PRKN: variants seen among roughly 807,000 people sequenced by gnomAD.
The protein encoded by PRKN is parkin RBR E3 ubiquitin protein ligase, also known as E3 ubiquitin-protein ligase parkin.
PRKN carries 56 observed loss-of-function variants against 59.5 expected under a neutral mutation model. The ratio of observed to expected loss-of-function variants is 0.94; its 90% CI spans 0.76 to 1.18. The LOEUF (loss-of-function observed/expected upper bound fraction) is 1.18. Among genes scored for constraint, PRKN ranks in the 50% most tolerant of loss-of-function variants. The pLI is 0.00. For missense variants in PRKN, 657 were observed against 596.4 expected (o/e 1.10, Z -1.06); for synonymous variants, 250 against 222.1 (o/e 1.13, Z -1.12).
At chr6:161,685,924 G>C (rs565633980) in intron 7 of PRKN, among the ~76,000 whole-genome samples, 1 of 152,038 alleles carries the variant, frequency 6.6e-6, no homozygotes, top group Admixed American at 6.6e-5. Flanking sequence ...ACCTCACCCC[G>C]GTCCCAGGCC....
intron 6 of PRKN, among the ~76,000 whole-genome samples, chr6:161,953,774 A>T (rs1342566581): frequency 1.3e-5 from 2 of 152,188 alleles, no homozygotes; most frequent in Non-Finnish European, 2.9e-5. Flanking sequence ...AAGACTGGGC[A>T]TCAGAGTTAC....
intron 7 of PRKN, chr6:161,783,617 G>T: frequency 2.0e-6 from 1 of 499,908 alleles, no homozygotes. Context: ...AGAGTGTGAA[G>T]GGAAGACTTG....
At chr6:162,636,563 C>T (rs1378660281) in intron 1 of PRKN, among the ~76,000 whole-genome samples, 1 of 152,188 alleles carries the variant, frequency 6.6e-6, no homozygotes, top group African/African-American at 2.4e-5. Flanking sequence ...TGCTCAAGAT[C>T]ACTAGAGAAG....
chr6:162,627,542 T>G (rs144537010), intron 1 of PRKN, among the ~76,000 whole-genome samples: 1 of 151,596 alleles, frequency 6.6e-6, no homozygotes, highest in East Asian at 2.0e-4. Flanking sequence ...GTAACTGGAG[T>G]TGGAGGCGAG....
Position 161,689,378 on chromosome 6 carries a change from A to T in PRKN, c.871+96394T>A, listed in dbSNP as rs142614673. 5.1e-3 allele frequency among the ~76,000 whole-genome samples: 780 copies of T among 152,316 alleles called. 5 individuals carry two copies. The highest frequency in any genetic ancestry group is 0.014 in the Middle Eastern group (4 of 294). ...TTATTTTCTAATGATTAACCTTAAC[A>T]CACACAATTTTGCCTTAGCTTAGCC... On this transcript the variant is annotated intron_variant, in intron 7 of 11. Coordinates refer to ENST00000366898, the MANE Select transcript of PRKN (RefSeq NM_004562.3).
At chr6:162,487,432 GC>G (rs1434043671) in intron 1 of PRKN, among the ~76,000 whole-genome samples, 1 of 152,172 alleles carries the variant, frequency 6.6e-6, no homozygotes, top group African/African-American at 2.4e-5. Context: ...CCCCAGGAGA[GC>G]CTGCACGCGT....
intron 6 of PRKN, among the ~76,000 whole-genome samples, chr6:161,852,184 A>G (rs2128222711): frequency 6.6e-6 from 1 of 151,976 alleles, no homozygotes; most frequent in African/African-American, 2.4e-5. Context: ...ACAGAGAAGA[A>G]ATATAAAACA....
At chr6:162,023,401 T>C (rs925102274) in intron 5 of PRKN, among the ~76,000 whole-genome samples, 3 of 152,124 alleles carry the variant, frequency 2.0e-5, no homozygotes, top group African/African-American at 7.2e-5. Context: ...TGAGTGGAAG[T>C]ATCTCTCAGC....
intron 6 of PRKN, among the ~76,000 whole-genome samples, chr6:161,864,688 G>A (rs986743961): frequency 3.9e-5 from 6 of 151,928 alleles, no homozygotes; most frequent in Non-Finnish European, 7.4e-5. Context: ...ACAGAATCTC[G>A]CACTGTTGCC....
chr6:161,518,227 G>A lies in PRKN; in HGVS notation c.1083+30627C>T, dbSNP rs973588669. On this transcript the variant is annotated intron_variant, in intron 9 of 11. Transcript: ENST00000366898. The surrounding 1 kb of genome is among the most constrained non-coding windows in gnomAD (Gnocchi z 5.0). ...GTGGCAACATAGGTGCATGAGAGGG[G>A]GACTGCCCCCACCCTGCATATCTGC... 1.3e-5 allele frequency among the ~76,000 whole-genome samples: 2 copies of A among 152,222 alleles called. No individual in the cohort carries two copies. Among genetic ancestry groups the A allele is most frequent in the African/African-American group, 4.8e-5 (2 of 41,454 alleles).
intron 5 of PRKN, among the ~76,000 whole-genome samples, chr6:162,038,731 C>T (rs1405683612): frequency 1.3e-5 from 2 of 152,108 alleles, no homozygotes; most frequent in African/African-American, 4.8e-5. Context: ...ACTTAGAAAC[C>T]TAAGAGACCA....
intron 5 of PRKN, among the ~76,000 whole-genome samples, chr6:162,025,254 C>T (rs529960211): frequency 2.6e-5 from 4 of 152,176 alleles, no homozygotes; most frequent in Admixed American, 6.5e-5. Context: ...CCGACCGCCT[C>T]GGCCTCCGAA....
At chr6:162,397,944 T>C (rs1215063029) in intron 2 of PRKN, among the ~76,000 whole-genome samples, 3 of 150,100 alleles carry the variant, frequency 2.0e-5, no homozygotes, top group Non-Finnish European at 4.4e-5. Flanking sequence ...GGCTGAGGCC[T>C]GAGAACCACT....
At chr6:162,467,438 C>T (rs906586437) in intron 1 of PRKN, among the ~76,000 whole-genome samples, 1 of 152,112 alleles carries the variant, frequency 6.6e-6, no homozygotes, top group Non-Finnish European at 1.5e-5. Flanking sequence ...CCAGCCTCCA[C>T]TGAATGAGGA....
rs891728984 is a variant in PRKN, at chr6:162,290,061, T to A, written c.172-27296A>T. Among the ~76,000 whole-genome samples, 23 of 152,298 alleles carry A rather than the reference T, an allele frequency of 1.5e-4. No individual in the cohort carries two copies. In the East Asian group the frequency reaches 1.7e-3, roughly 11 times the overall value. Reference sequence around the variant, plus strand: ...TATCTGAGTTGTGCTGCATGAATATTTTTATTCGCCTCCTATGTCCTGAGC... The same window carrying A: ...TATCTGAGTTGTGCTGCATGAATATATTTATTCGCCTCCTATGTCCTGAGC... On this transcript the variant is annotated intron_variant, in intron 2 of 11. Coordinates refer to ENST00000366898, the MANE Select transcript of PRKN (RefSeq NM_004562.3).
chr6:162,213,142 T>A (rs955988362), intron 3 of PRKN, among the ~76,000 whole-genome samples: 100 of 152,256 alleles, frequency 6.6e-4, no homozygotes, highest in African/African-American at 2.3e-3. Context: ...AAGGATTGGG[T>A]TGTTTGGGAA....
intron 1 of PRKN, among the ~76,000 whole-genome samples, chr6:162,664,075 G>T (rs544777850): frequency 6.6e-6 from 1 of 152,200 alleles, no homozygotes; most frequent in Non-Finnish European, 1.5e-5. Context: ...AGGCCCTGGT[G>T]TGTGTTGTTA....
In PRKN at chr6:161,360,030, T is replaced by C. The variant is rs1784912367; in HGVS notation, c.1285+58A>G. On this transcript the variant is annotated intron_variant, in intron 11 of 11. Transcript: ENST00000366898. The surrounding 1 kb of genome is among the most constrained non-coding windows in gnomAD (Gnocchi z 5.1). Reference sequence around the variant, plus strand: ...CTTTAATCCTGGAATCCCTGATGGGTATGATTCTCCCCCAAAGAGCACACG... The same window carrying C: ...CTTTAATCCTGGAATCCCTGATGGGCATGATTCTCCCCCAAAGAGCACACG... 7.9e-7 allele frequency: 1 copy of C among 1,260,364 alleles called. No individual in the cohort carries two copies. Among genetic ancestry groups the C allele is most frequent in the East Asian group, 2.3e-5 (1 of 43,306 alleles). The allele number at this position is 1,260,364 out of a possible 1,614,324, so 78.1% of individuals were successfully genotyped here. A position where few individuals can be genotyped will look rare whatever the true frequency, so the allele number is the denominator to read the frequency against.
Position 161,754,632 on chromosome 6 carries a change from C to T in PRKN, c.871+31140G>A, listed in dbSNP as rs558813308. Among the ~76,000 whole-genome samples, 4 of 152,230 alleles carry T rather than the reference C, an allele frequency of 2.6e-5. No homozygotes were observed. In the East Asian group the frequency reaches 7.8e-4, roughly 30 times the overall value. ...GCCCTCCCATGGTCAGGTCACAGGCCCTGCAGGTGCTGGGGGCCAACTCAC... is the reference window on the plus strand; with the variant it reads ...GCCCTCCCATGGTCAGGTCACAGGCTCTGCAGGTGCTGGGGGCCAACTCAC... On this transcript the variant is annotated intron_variant, in intron 7 of 11. Transcript: ENST00000366898.
Sources: gnomAD v4.1 joint callset for allele counts (sites outside exome capture counted in the v4.1 genomes callset) on GRCh38, gnomAD v4.1.1 for gene constraint, Gnocchi (gnomAD v3.1) non-coding constraint, MANE v1.5 for transcripts, NCBI Gene and HGNC (gene_info 2026-07-23, HGNC 2026-07-21) for gene names.